TEX9: variants seen among roughly 807,000 people sequenced by gnomAD.
TEX9 encodes the protein testis expressed 9.
Under a neutral mutation model 59.6 loss-of-function variants are expected in TEX9, and 74 were observed. The ratio of observed to expected loss-of-function variants is 1.24; its 90% CI spans 1.03 to 1.51. The LOEUF (loss-of-function observed/expected upper bound fraction) is 1.51, where lower values mean the gene tolerates loss of function less well. Ranked by LOEUF, TEX9 falls within the 40% of genes most tolerant of loss-of-function variation. The pLI is 0.00. For missense variants in TEX9, 522 were observed against 447.8 expected (o/e 1.17, Z -1.49); for synonymous variants, 186 against 152.2 (o/e 1.22, Z -1.64).
intron 12 of TEX9, chr15:56,444,572 C>G: frequency 6.2e-7 from 1 of 1,612,752 alleles, no homozygotes; most frequent in Non-Finnish European, 8.5e-7. Flanking sequence ...CAAGATAGTA[C>G]TGTGCTTTCG....
In TEX9 at chr15:56,300,706, AGG is replaced by A. The variant is rs777284409; in HGVS notation, c.-107+56430_-107+56431del. 7.0e-3 allele frequency among the ~76,000 whole-genome samples: 766 copies of A among 109,128 alleles called. 8 individuals are homozygous for A. The highest frequency in any genetic ancestry group is 0.022 in the African/African-American group (632 of 28,428). The allele number at this position is 109,128 out of a possible 152,430, so 71.6% of individuals were successfully genotyped here. On this transcript the variant is annotated intron_variant, in intron 1 of 5. Transcript: ENST00000560827. The stretch of plus-strand genomic sequence containing the variant: ...TCAGCAGAGAGAGAGAGAGAGAGAG[AGG>A]GAGAGAGAGAGAGAGAGAGAGAGAG...
At chr15:56,418,293 T>C (rs1440694757) in intron 10 of TEX9, among the ~76,000 whole-genome samples, 2 of 151,892 alleles carry the variant, frequency 1.3e-5, no homozygotes, top group Non-Finnish European at 2.9e-5. Flanking sequence ...TGTGGTTAAA[T>C]GTGTTTTTGT....
intron 10 of TEX9, among the ~76,000 whole-genome samples, chr15:56,419,954 C>T (rs12438639): frequency 0.13 from 19,775 of 151,658 alleles, 1,866 homozygotes; most frequent in East Asian, 0.37. Flanking sequence ...TTAATAGATA[C>T]AGAAGTATTC....
chr15:56,361,851 A>G (rs2046795382), upstream of TEX9, among the ~76,000 whole-genome samples: 1 of 152,220 alleles, frequency 6.6e-6, no homozygotes. Flanking sequence ...GACAGCCACC[A>G]TAGAAGCTAG....
intron 1 of TEX9, among the ~76,000 whole-genome samples, chr15:56,265,767 A>G (rs1596052026): frequency 1.3e-5 from 2 of 152,052 alleles, no homozygotes; most frequent in African/African-American, 4.8e-5. Context: ...AATATCGTCT[A>G]TCTTGGTGAA....
intron 3 of TEX9, among the ~76,000 whole-genome samples, chr15:56,377,588 C>G (rs539959586): frequency 6.6e-6 from 1 of 152,066 alleles, no homozygotes; most frequent in African/African-American, 2.4e-5. Flanking sequence ...GTATGTTGAT[C>G]TTGTATCCTG....
chr15:56,300,708 GGAGAGA>G (rs60361737), intron 1 of TEX9, among the ~76,000 whole-genome samples: 2,672 of 102,590 alleles, frequency 0.026, 37 homozygotes, highest in Middle Eastern at 0.042. Context: ...AGAGAGAGAG[GGAGAGA>G]GAGAGAGAGA....
chr15:56,428,973 T>C, intron 12 of TEX9: 1 of 568,080 alleles, frequency 1.8e-6, no homozygotes, highest in Non-Finnish European at 3.1e-6. Context: ...AGTTATGAAA[T>C]TCAGTGATGA....
intron 1 of TEX9, chr15:56,248,712 G>T (rs1344356104): frequency 6.6e-6 from 1 of 152,166 alleles, no homozygotes; most frequent in Non-Finnish European, 1.5e-5. Context: ...GGGCCAAAAA[G>T]TCCCAAGTAG....
upstream of TEX9, among the ~76,000 whole-genome samples, chr15:56,364,250 T>C (rs753948133): frequency 2.6e-5 from 4 of 151,912 alleles, no homozygotes; most frequent in Non-Finnish European, 5.9e-5. Context: ...GCCTCCCAGG[T>C]TCAAGCGATT....
intron 9 of TEX9, chr15:56,409,955 G>A (rs1025350025): frequency 2.0e-5 from 3 of 151,978 alleles, no homozygotes; most frequent in African/African-American, 7.3e-5. Context: ...ATGTCTATGT[G>A]TATATATGTG....
At chr15:56,381,488 G>C (rs939327172) in intron 3 of TEX9, among the ~76,000 whole-genome samples, 17 of 152,202 alleles carry the variant, frequency 1.1e-4, no homozygotes, top group African/African-American at 4.1e-4. Flanking sequence ...AGGCATTGAA[G>C]AGTTAAGTAC....
At chr15:56,441,218 TTTTAA>T (rs1463516906) in intron 12 of TEX9, among the ~76,000 whole-genome samples, 3 of 152,190 alleles carry the variant, frequency 2.0e-5, no homozygotes, top group African/African-American at 7.2e-5. Flanking sequence ...CATTACTGAT[TTTTAA>T]TTTAATTCCA....
At chr15:56,423,932 G>A (rs12908766) in intron 10 of TEX9, among the ~76,000 whole-genome samples, 114,056 of 151,978 alleles carry the variant, frequency 0.75, 43,562 homozygotes, top group Middle Eastern at 0.86. Context: ...TCCCCCACAA[G>A]TCCCTAGAGT....
In TEX9 at chr15:56,382,510, G is replaced by C. The variant is rs78661715; in HGVS notation, c.184-1442G>C. Among the ~76,000 whole-genome samples the C allele has an allele frequency of 2.5e-3, 378 of 152,288 alleles. 9 individuals carry two copies. In the East Asian group the frequency reaches 0.046, roughly 19 times the overall value. ...TATGTCTCAGAGCCCAAGGCCCATG[G>C]CCTGCTATTAATACCTTGGTATTGC... On this transcript the variant is annotated intron_variant, in intron 3 of 12. Coordinates refer to ENST00000352903, the Ensembl canonical transcript of TEX9.
chr15:56,300,641 C>T (rs546805071), intron 1 of TEX9, among the ~76,000 whole-genome samples: 4 of 147,494 alleles, frequency 2.7e-5, no homozygotes, highest in African/African-American at 7.6e-5. Context: ...GTGGTGGCCA[C>T]AGGGGTGCTT....
At chr15:56,449,856 T>C (rs2050936128), downstream of TEX9, among the ~76,000 whole-genome samples, 1 of 152,230 alleles carries the variant, frequency 6.6e-6, no homozygotes, top group African/African-American at 2.4e-5. Context: ...TGCAATATCC[T>C]GCTATGGTCC....
intron 1 of TEX9, among the ~76,000 whole-genome samples, chr15:56,271,280 C>T (rs1428367138): frequency 6.6e-6 from 1 of 152,118 alleles, no homozygotes; most frequent in Non-Finnish European, 1.5e-5. Flanking sequence ...ACCAATCAAA[C>T]GTAGATTTGA....
At position 56,244,643 on chromosome 15, in the gene TEX9, G is replaced by C. The variant is rs1210058444; in HGVS notation, c.-107+365G>C. On this transcript the variant is annotated intron_variant, in intron 1 of 5. Transcript: ENST00000560827. ...TTTATACCGCTCCCAATTCCACCCA[G>C]GCTCTAAAGCATAGCTCAAGTCGCG... 8.4e-5 allele frequency among the ~76,000 whole-genome samples: 8 copies of C among 95,184 alleles called. No individual in the cohort carries two copies. In the South Asian group the frequency reaches 3.0e-3, roughly 36 times the overall value. 62.4% of individuals were successfully genotyped at this position (95,184 alleles called of 152,430 possible). A position where few individuals can be genotyped will look rare whatever the true frequency, so the allele number is the denominator to read the frequency against.
Sources: gnomAD v4.1 joint callset for allele counts (sites outside exome capture counted in the v4.1 genomes callset) on GRCh38, gnomAD v4.1.1 for gene constraint, MANE v1.5 for transcripts, NCBI Gene and HGNC (gene_info 2026-07-23, HGNC 2026-07-21) for gene names.